Variants in APOLD1 observed in about 807,000 individuals in gnomAD.
APOLD1 encodes the protein apolipoprotein L domain-containing protein 1.
Under a neutral mutation model 15.3 loss-of-function variants are expected in APOLD1, and 22 were observed. The observed-to-expected ratio is 1.44, with a 90% CI of 1.03 to 2.05. APOLD1 has a LOEUF of 2.05. APOLD1 is among the 30% of genes most tolerant of loss of function. The pLI, the probability that APOLD1 is intolerant of heterozygous loss-of-function variation, is 0.00. For missense variants in APOLD1, 394 were observed against 353.5 expected (o/e 1.11, Z -0.92); for synonymous variants, 190 against 167.4 (o/e 1.13, Z -1.04).
chr12:12,779,220 G>T (rs1052362380), intron 1 of APOLD1, among the ~76,000 whole-genome samples: 1 of 152,054 alleles, frequency 6.6e-6, no homozygotes, highest in African/African-American at 2.4e-5. Context: ...GCATGTATTT[G>T]CCCTGTGCTT....
At chr12:12,762,813 A>G (rs1946911478) in intron 1 of APOLD1, among the ~76,000 whole-genome samples, 1 of 152,294 alleles carries the variant, frequency 6.6e-6, no homozygotes, top group Non-Finnish European at 1.5e-5. Flanking sequence ...ATGAAGATAG[A>G]GAATGACTAG....
Position 12,789,504 on chromosome 12 carries a change from G to A in APOLD1, c.*1852G>A, listed in dbSNP as rs1947164966. 1 of 152,210 alleles carries A rather than the reference G, an allele frequency of 6.6e-6. No individual in the cohort carries two copies. The highest frequency in any genetic ancestry group is 2.4e-5 in the African/African-American group (1 of 41,438). 9.4% of individuals were successfully genotyped at this position (152,210 alleles called of 1,614,324 possible). On this transcript the variant is annotated 3_prime_UTR_variant, in exon 2 of 2. Coordinates refer to ENST00000356591, the MANE Select transcript of APOLD1 (RefSeq NM_030817.3). ...TGGAAAAGGAATCTATTTAGTTCAG[G>A]AAAGATAAAAAGTTTAGAGGTATGT...
At chr12:12,778,735 G>T (rs558542837) in intron 1 of APOLD1, among the ~76,000 whole-genome samples, 1 of 152,240 alleles carries the variant, frequency 6.6e-6, no homozygotes, top group South Asian at 2.1e-4. Context: ...AGTCAATTTT[G>T]CTTCCAAAAC....
intron 1 of APOLD1, among the ~76,000 whole-genome samples, chr12:12,774,504 C>T (rs1947013384): frequency 8.0e-6 from 1 of 124,852 alleles, no homozygotes; most frequent in African/African-American, 3.0e-5. Flanking sequence ...TAAGATCACA[C>T]TGCTGCACTC....
chr12:12,749,315 A>G (rs1045687813), intron 1 of APOLD1, among the ~76,000 whole-genome samples: 11 of 152,188 alleles, frequency 7.2e-5, no homozygotes, highest in African/African-American at 2.4e-4. Flanking sequence ...AGGCAGGAGA[A>G]TAGGGTCTGG....
At chr12:12,782,958 C>T (rs1184107085), upstream of APOLD1, among the ~76,000 whole-genome samples, 1 of 152,140 alleles carries the variant, frequency 6.6e-6, no homozygotes, top group Non-Finnish European at 1.5e-5. Context: ...GTAATCCCAG[C>T]ACTTTGGGAG....
At chr12:12,737,761 AGTAGAGCT>A (rs1946700474) in intron 1 of APOLD1, among the ~76,000 whole-genome samples, 1 of 152,188 alleles carries the variant, frequency 6.6e-6, no homozygotes, top group Non-Finnish European at 1.5e-5. Context: ...TAACTACCTG[AGTAGAGCT>A]GTAGTTCCTA....
chr12:12,785,648 GA>G, upstream of APOLD1: 1 of 1,614,188 alleles, frequency 6.2e-7, no homozygotes, highest in South Asian at 1.1e-5. Flanking sequence ...CACTCATCCA[GA>G]AACAGCCTCA....
upstream of APOLD1, among the ~76,000 whole-genome samples, chr12:12,781,435 T>C (rs1390386364): frequency 6.6e-6 from 1 of 151,014 alleles, no homozygotes; most frequent in Non-Finnish European, 1.5e-5. Context: ...AAACTCCGTC[T>C]CAAAAAAATA....
At chr12:12,767,207 G>C (rs11055054) in intron 1 of APOLD1, among the ~76,000 whole-genome samples, 24,997 of 151,940 alleles carry the variant, frequency 0.16, 3,183 homozygotes, top group African/African-American at 0.34. Context: ...GACCACGCCA[G>C]TGCACTCCAG....
At chr12:12,740,349 T>A (rs913515915) in intron 1 of APOLD1, among the ~76,000 whole-genome samples, 1 of 152,170 alleles carries the variant, frequency 6.6e-6, no homozygotes, top group African/African-American at 2.4e-5. Context: ...ACTCCTGACC[T>A]CAGGTGATCT....
intron 1 of APOLD1, among the ~76,000 whole-genome samples, chr12:12,728,665 C>CCA (rs1258351425): frequency 1.1e-4 from 7 of 62,872 alleles, no homozygotes; most frequent in African/African-American, 6.2e-4. Flanking sequence ...GACCCTGTCT[C>CCA]AAAAAAAAAA....
intron 1 of APOLD1, 89 bp downstream of exon 1, chr12:12,785,783 T>C: frequency 7.6e-7 from 1 of 1,314,096 alleles, no homozygotes; most frequent in Non-Finnish European, 1.1e-6. Context: ...TGGGTTGGAT[T>C]ATGGAAGCAT....
chr12:12,764,032 G>A (rs562991842), intron 1 of APOLD1, among the ~76,000 whole-genome samples: 11 of 151,438 alleles, frequency 7.3e-5, no homozygotes, highest in African/African-American at 1.2e-4. Flanking sequence ...GTGTGATCTC[G>A]GCTCACTGCA....
upstream of APOLD1, among the ~76,000 whole-genome samples, chr12:12,781,526 CTT>C (rs774609531): frequency 5.4e-4 from 75 of 138,804 alleles, 1 homozygote; most frequent in African/African-American, 1.3e-3. Flanking sequence ...ATCACTTTAT[CTT>C]TTTTTTTTTT....
chr12:12,732,837 A>G (rs1946651521), intron 1 of APOLD1, among the ~76,000 whole-genome samples: 1 of 152,182 alleles, frequency 6.6e-6, no homozygotes, highest in African/African-American at 2.4e-5. Context: ...ATATTTATCA[A>G]AGTAATCACT....
At chr12:12,772,850 A>G (rs1946999594) in intron 1 of APOLD1, among the ~76,000 whole-genome samples, 1 of 152,246 alleles carries the variant, frequency 6.6e-6, no homozygotes, top group African/African-American at 2.4e-5. Flanking sequence ...GAAAATCCCA[A>G]TATACTTGGA....
intron 1 of APOLD1, among the ~76,000 whole-genome samples, chr12:12,749,261 T>C (rs572936525): frequency 2.0e-5 from 3 of 152,128 alleles, no homozygotes; most frequent in Non-Finnish European, 4.4e-5. Flanking sequence ...GTTAAATCTA[T>C]AGATTCTTTA....
chr12:12,782,358 C>T (rs113898487), upstream of APOLD1, among the ~76,000 whole-genome samples: 280 of 152,282 alleles, frequency 1.8e-3, 3 homozygotes, highest in African/African-American at 6.2e-3. Context: ...CTGTATTCTC[C>T]CAGATCCCAC....
Sources: gnomAD v4.1 joint callset for allele counts (sites outside exome capture counted in the v4.1 genomes callset) on GRCh38, gnomAD v4.1.1 for gene constraint, MANE v1.5 for transcripts, NCBI Gene and HGNC (gene_info 2026-07-23, HGNC 2026-07-21) for gene names.